The following SYMPK variants were observed in gnomAD, a reference collection of about 807,000 sequenced individuals.
The protein encoded by SYMPK is symplekin.
A neutral mutation model predicts 136.4 loss-of-function variants in SYMPK; 49 were observed. The ratio of observed to expected loss-of-function variants is 0.36; its 90% confidence interval spans 0.29 to 0.46. The LOEUF is 0.46. Among genes scored for constraint, SYMPK ranks in the 20% least tolerant of loss-of-function variants. SYMPK has a pLI of 1.00. For missense variants in SYMPK, 1,365 were observed against 1,690.0 expected, an observed-to-expected ratio of 0.81 and a Z score of 3.37; for synonymous variants, 766 against 713.0, an observed-to-expected ratio of 1.07 and a Z score of -1.19.
chr19:45,815,953 C>A lies in SYMPK; in HGVS notation c.3585G>T (p.Gly1195=). ...SEEAMDFREE[G]PECETPGIFI... Reference sequence around the variant, plus strand: ...AGATGCCCGGGGTCTCGCACTCAGGCCCCTCCTCCCGGAAATCCATGGCTT... The same window carrying A: ...AGATGCCCGGGGTCTCGCACTCAGGACCCTCCTCCCGGAAATCCATGGCTT... The change falls in exon 26 of 27, where the codon GGG becomes GGT. Residue 1195 remains glycine, a synonymous_variant. Coordinates refer to ENST00000245934, the MANE Select transcript of SYMPK (RefSeq NM_004819.3). 1 of 1,611,072 alleles carries A rather than the reference C, an allele frequency of 6.2e-7. No homozygotes were observed. Among genetic ancestry groups the A allele is most frequent in the South Asian group, 1.1e-5 (1 of 90,540 alleles).
At chr19:45,852,747 A>G (rs1052206949) in intron 3 of SYMPK, among the ~76,000 whole-genome samples, 3 of 152,048 alleles carry the variant, frequency 2.0e-5, no homozygotes, top group Non-Finnish European at 4.4e-5. Context: ...GAGACTCTTA[A>G]ACATCAACTC....
intron 16 of SYMPK, among the ~76,000 whole-genome samples, chr19:45,827,059 T>TC (rs1239109847): frequency 2.6e-5 from 4 of 151,906 alleles, no homozygotes; most frequent in Non-Finnish European, 4.4e-5. Flanking sequence ...GGTCGGCCCC[T>TC]CCCTCCCCAG....
chr19:45,849,862 G>A lies in SYMPK; in HGVS notation c.300-986C>T, dbSNP rs148197173. Among the ~76,000 whole-genome samples the A allele has an allele frequency of 3.7e-4, 56 of 152,012 alleles. No individual in the cohort carries two copies. In the East Asian group the frequency reaches 9.9e-3, roughly 27 times the overall value. On this transcript the variant is annotated intron_variant, in intron 5 of 26. Transcript: ENST00000245934. ...GGAGTTTGAGACCAGCTTGACCAAC[G>A]TGGTGAAACCCCATCTCTACTAAAA...
intron 6 of SYMPK, 21 bp downstream of exon 6, chr19:45,848,729 G>C: frequency 1.2e-6 from 2 of 1,612,996 alleles, no homozygotes; most frequent in Non-Finnish European, 1.7e-6. Flanking sequence ...GGATGGCCCT[G>C]GGTGGGGAGG....
chr19:45,829,677 G>A (rs1286705036), intron 13 of SYMPK, among the ~76,000 whole-genome samples: 1 of 152,182 alleles, frequency 6.6e-6, no homozygotes, highest in African/African-American at 2.4e-5. Context: ...GAAGGTAACA[G>A]TGCCAGCAAG....
intron 1 of SYMPK, among the ~76,000 whole-genome samples, chr19:45,857,342 G>A (rs1217128102): frequency 1.4e-5 from 2 of 139,810 alleles, no homozygotes; most frequent in African/African-American, 5.4e-5. Context: ...CCCGGGAAGC[G>A]GAACTTGCAG....
chr19:45,826,286 G>A lies in SYMPK; in HGVS notation c.2269C>T (p.Leu757=). The change falls in exon 17 of 27, where the codon CTG becomes TTG. Residue 757 remains leucine (L), a synonymous_variant. Transcript: ENST00000245934. The stretch of plus-strand genomic sequence containing the variant: ...GGGTTGGGGTGCACCAGGAGCTGCA[G>A]GTAGTTGAGGGCAAATTTCTCCACA... The part of the protein sequence containing the change: ...EYVEKFALNY[L]QLLVHPNPPS... 1 of 1,613,908 alleles carries A rather than the reference G, an allele frequency of 6.2e-7. No homozygotes were observed.
At position 45,816,597 on chromosome 19, in the gene SYMPK, G is replaced by A. The variant is rs754717108; in HGVS notation, c.3259-20C>T. Reference sequence around the variant, plus strand: ...AGCTTGCTGGGTGGAGAGCAGGAAGGGGGCGCTGGGGGCAGCTCTGGCACA... The same window carrying A: ...AGCTTGCTGGGTGGAGAGCAGGAAGAGGGCGCTGGGGGCAGCTCTGGCACA... On this transcript the variant is annotated intron_variant, in intron 24 of 26. Transcript: ENST00000245934. 4.7e-5 allele frequency: 76 copies of A among 1,612,876 alleles called. No individual in the cohort carries two copies. In the Admixed American group the frequency reaches 7.8e-4, roughly 17 times the overall value.
At chr19:45,824,865 G>C (rs766774382) in intron 18 of SYMPK, among the ~76,000 whole-genome samples, 1 of 152,194 alleles carries the variant, frequency 6.6e-6, no homozygotes, top group Admixed American at 6.5e-5. Context: ...TGGACTCCTT[G>C]CATCAGCGTG....
Position 45,859,953 on chromosome 19 carries a change from T to TTA in SYMPK, c.-13+3104_-13+3105insTA, listed in dbSNP as rs1491508236. On this transcript the variant is annotated intron_variant, in intron 1 of 26. Coordinates refer to ENST00000245934, the MANE Select transcript of SYMPK (RefSeq NM_004819.3). ...CTGGGAGACACGGTAAGACTCCATC[T>TTA]AAAAAAAAAAAAAAAAAAAAAAAAA... 5.8e-5 allele frequency among the ~76,000 whole-genome samples: 5 copies of TTA among 85,668 alleles called. No individual in the cohort carries two copies. The East Asian group carries it at 9.8e-4, about 17-fold the overall frequency. 56.2% of individuals were successfully genotyped at this position (85,668 alleles called of 152,430 possible).
intron 1 of SYMPK, chr19:45,855,630 A>T (rs1971805621): frequency 6.6e-6 from 1 of 152,210 alleles, no homozygotes; most frequent in African/African-American, 2.4e-5. Flanking sequence ...ACTGATAGAG[A>T]GTGCATACAT....
At chr19:45,819,446 C>A in intron 22 of SYMPK, 1 of 152,864 alleles carries the variant, frequency 6.5e-6, no homozygotes. Flanking sequence ...GCAAGCACCT[C>A]CCTCGGTCCC....
At chr19:45,841,089 T>C (rs1971423881) in intron 9 of SYMPK, among the ~76,000 whole-genome samples, 1 of 151,504 alleles carries the variant, frequency 6.6e-6, no homozygotes, top group Non-Finnish European at 1.5e-5. Flanking sequence ...GTTCAAGCAA[T>C]TCTTCTGCCT....
intron 7 of SYMPK, among the ~76,000 whole-genome samples, chr19:45,846,128 C>T (rs1359746721): frequency 2.0e-5 from 3 of 152,000 alleles, no homozygotes; most frequent in Admixed American, 6.6e-5. Context: ...CCCAGCTACT[C>T]GGGAGGCTGA....
In SYMPK at chr19:45,852,513, T is replaced by C; in HGVS notation, c.194A>G (p.Lys65Arg). Reference protein sequence around the residue: ...LKQVQELIINKDPTLLDNFLD... With the variant: ...LKQVQELIINRDPTLLDNFLD... ...GAAGTTGTCCAGTAGTGTGGGGTCT[T>C]TGTTGATGATCAGCTCCTGGACCTG... The change falls in exon 4 of 27, where the codon AAA becomes AGA. Residue 65 changes from lysine to arginine, a missense_variant. This residue lies in a region of SYMPK where 2 missense variants were observed against 20.2 expected (regional missense o/e 0.10). Transcript: ENST00000245934. 6.2e-7 allele frequency: 1 copy of C among 1,614,146 alleles called. No homozygotes were observed. The highest frequency in any genetic ancestry group is 8.5e-7 in the Non-Finnish European group (1 of 1,180,022).
chr19:45,835,146 G>A lies in SYMPK; in HGVS notation c.1325C>T (p.Thr442Met), dbSNP rs1971273894. Residue 442 changes from threonine to methionine, a missense_variant, in exon 11 of 27, where the codon ACG (threonine) becomes ATG (methionine). Coordinates refer to ENST00000245934, the MANE Select transcript of SYMPK (RefSeq NM_004819.3). ...AGCCAGGTGCTTGATCTGGGCTTCC[G>A]TGCCTGCTGACTCCACGGGGGTGTA... ...AIYTPVESAGTEAQIKHLARL... is the reference protein window; with the variant it reads ...AIYTPVESAGMEAQIKHLARL... 6 of 1,613,410 alleles carry A rather than the reference G, an allele frequency of 3.7e-6. No homozygotes were observed. Among genetic ancestry groups the A allele is most frequent in the Admixed American group, 1.7e-5 (1 of 59,974 alleles).
In SYMPK at chr19:45,818,109, C is replaced by A. The variant is rs1315962076; in HGVS notation, c.2931G>T (p.Thr977=). 3.2e-6 allele frequency: 5 copies of A among 1,555,458 alleles called. No homozygotes were observed. The highest frequency in any genetic ancestry group is 1.4e-5 in the African/African-American group (1 of 73,392). ...GCATCACCACGGCCAGCACCTCTGACGTGTACACGTTCCGCTCCGCAAAGC... is the reference window on the plus strand; with the variant it reads ...GCATCACCACGGCCAGCACCTCTGAAGTGTACACGTTCCGCTCCGCAAAGC... The part of the protein sequence containing the change: ...NLCFAERNVY[T]SEVLAVVMQQ... The change falls in exon 23 of 27, where the codon ACG becomes ACT. Residue 977 remains threonine, a synonymous_variant. Coordinates refer to ENST00000245934, the MANE Select transcript of SYMPK (RefSeq NM_004819.3).
rs992845141 is a variant in SYMPK, at chr19:45,847,942, A to G, written c.486T>C (p.Ser162=). The G allele has an allele frequency of 2.0e-5, 32 of 1,610,796 alleles. No individual in the cohort carries two copies. The highest frequency in any genetic ancestry group is 2.7e-5 in the Non-Finnish European group (32 of 1,177,710). Residue 162 remains serine, a synonymous_variant, in exon 7 of 27, where the codon TCT becomes TCC. Coordinates refer to ENST00000245934, the MANE Select transcript of SYMPK (RefSeq NM_004819.3). The part of the protein sequence containing the change: ...ELQEACWDMV[S]AMAGDIILLL... The stretch of plus-strand genomic sequence containing the variant: ...GCAGGATGATGTCCCCCGCCATGGC[A>G]GATACCATGTCCCAGCAGGCCTCCT...
Position 45,815,711 on chromosome 19 carries a change from A to G in SYMPK, c.3688-14T>C. 1 of 1,607,610 alleles carries G rather than the reference A, an allele frequency of 6.2e-7. No homozygotes were observed. The highest frequency in any genetic ancestry group is 2.2e-5 in the East Asian group (1 of 44,658). On this transcript the variant is annotated splice_polypyrimidine_tract_variant and intron_variant, in intron 26 of 26. Coordinates refer to ENST00000245934, the MANE Select transcript of SYMPK (RefSeq NM_004819.3). ...CGCTGCCGTCTCCTGGTGACCGGGG[A>G]AGGAAAGGGCAGCCGGGTGGAGGGC...
Sources: gnomAD v4.1 joint callset for allele counts (sites outside exome capture counted in the v4.1 genomes callset) on GRCh38, gnomAD v4.1.1 for gene constraint, gnomAD v4.1.1 regional missense constraint, MANE v1.5 for transcripts, NCBI Gene and HGNC (gene_info 2026-07-23, HGNC 2026-07-21) for gene names.